CNGB3: variants seen among roughly 807,000 people sequenced by gnomAD.
CNGB3 encodes the protein cyclic nucleotide-gated channel beta-3.
In CNGB3, 86 loss-of-function variants were observed where a neutral mutation model predicts 92.8. The ratio of observed to expected loss-of-function variants is 0.93; its 90% confidence interval spans 0.78 to 1.11. The LOEUF is 1.11. Among genes scored for constraint, CNGB3 ranks in the 50% least tolerant of loss-of-function variants. The pLI, the probability that CNGB3 is intolerant of heterozygous loss-of-function variation, is 0.00. For synonymous variants in CNGB3, 333 were observed against 332.7 expected (o/e 1.00, Z -0.01); for missense variants, 1,026 against 956.8 (o/e 1.07, Z -0.95).
chr8:86,692,509 C>T (rs1270748933), intron 3 of CNGB3, among the ~76,000 whole-genome samples: 3 of 152,048 alleles, frequency 2.0e-5, no homozygotes, highest in East Asian at 3.9e-4. Flanking sequence ...ACTGGTGTTG[C>T]TTTAAAGTCT....
At chr8:86,697,644 TTTAA>T (rs1456289663) in intron 3 of CNGB3, among the ~76,000 whole-genome samples, 3 of 152,254 alleles carry the variant, frequency 2.0e-5, no homozygotes, top group African/African-American at 4.8e-5. Context: ...TCTTATTTTA[TTTAA>T]TTGTTTATTA....
chr8:86,589,947 T>C (rs1821989740), intron 15 of CNGB3, among the ~76,000 whole-genome samples: 1 of 149,624 alleles, frequency 6.7e-6, no homozygotes, highest in Non-Finnish European at 1.5e-5. Flanking sequence ...GGTGTTAAAG[T>C]CTCCCATTAT....
chr8:86,722,567 T>C (rs1321921758), intron 3 of CNGB3, among the ~76,000 whole-genome samples: 1 of 152,174 alleles, frequency 6.6e-6, no homozygotes, highest in Non-Finnish European at 1.5e-5. Flanking sequence ...CAAACATTAT[T>C]CTGGTTGTGT....
At chr8:86,587,323 C>G (rs1484696810) in intron 15 of CNGB3, among the ~76,000 whole-genome samples, 4 of 152,144 alleles carry the variant, frequency 2.6e-5, no homozygotes, top group Non-Finnish European at 4.4e-5. Flanking sequence ...TTTTGCCGTG[C>G]AGAAGCTCTT....
chr8:86,722,952 C>T (rs1029442953), intron 3 of CNGB3, among the ~76,000 whole-genome samples: 5 of 152,084 alleles, frequency 3.3e-5, no homozygotes, highest in Non-Finnish European at 4.4e-5. Flanking sequence ...CCTCCATAAT[C>T]GCATGAGTCA....
In CNGB3 at chr8:86,574,707, A is replaced by G. The variant is rs1003656510; in HGVS notation, c.*1097T>C. ...ATGGCATTTATTAGAATGGAATTCT[A>G]TATGTATTATTACTTCCGACACCAG... is the stretch of plus-strand genomic sequence containing the variant. On this transcript the variant is annotated 3_prime_UTR_variant, in exon 18 of 18. Transcript: ENST00000320005. The G allele has an allele frequency of 3.3e-5, 5 of 152,204 alleles. No homozygotes were observed. The highest frequency in any genetic ancestry group is 1.2e-4 in the African/African-American group (5 of 41,450). 9.4% of individuals were successfully genotyped at this position (152,204 alleles called of 1,614,324 possible).
intron 3 of CNGB3, among the ~76,000 whole-genome samples, chr8:86,705,313 T>C (rs1824632513): frequency 6.6e-6 from 1 of 152,162 alleles, no homozygotes; most frequent in Non-Finnish European, 1.5e-5. Flanking sequence ...GTCCAAATTG[T>C]ACTATGCACC....
intron 3 of CNGB3, among the ~76,000 whole-genome samples, chr8:86,712,663 T>G (rs999665384): frequency 5.9e-5 from 9 of 152,128 alleles, no homozygotes; most frequent in Non-Finnish European, 7.4e-5. Flanking sequence ...AATATCACAC[T>G]TTTTAAATTA....
chr8:86,629,113 A>G, intron 11 of CNGB3, 35 bp from the exon 12 acceptor site: 6 of 1,612,148 alleles, frequency 3.7e-6, no homozygotes, highest in Non-Finnish European at 5.1e-6. Context: ...CACGCCCAGC[A>G]GAGGAAATGA....
intron 10 of CNGB3, among the ~76,000 whole-genome samples, chr8:86,636,427 C>A (rs1473514175): frequency 6.6e-6 from 1 of 151,294 alleles, no homozygotes. Flanking sequence ...CAAAAAGTAG[C>A]CGGGTATGGT....
At chr8:86,583,769 A>C (rs530778443) in intron 15 of CNGB3, among the ~76,000 whole-genome samples, 1 of 152,074 alleles carries the variant, frequency 6.6e-6, no homozygotes, top group African/African-American at 2.4e-5. Flanking sequence ...AAAATACAAA[A>C]GTTAGCTGGG....
At chr8:86,735,015 G>A (rs947385861) in intron 2 of CNGB3, among the ~76,000 whole-genome samples, 6 of 142,386 alleles carry the variant, frequency 4.2e-5, no homozygotes, top group Non-Finnish European at 7.5e-5. Context: ...TTTGAATTCG[G>A]GCATGTCAAA....
intron 17 of CNGB3, among the ~76,000 whole-genome samples, chr8:86,576,646 T>C (rs1044708236): frequency 6.6e-6 from 1 of 152,208 alleles, no homozygotes; most frequent in African/African-American, 2.4e-5. Flanking sequence ...TGACCTGTCA[T>C]GTTTGTACCT....
chr8:86,593,926 G>T, intron 15 of CNGB3: 1 of 565,454 alleles, frequency 1.8e-6, no homozygotes, highest in Non-Finnish European at 3.3e-6. Flanking sequence ...GCCAGGGGCA[G>T]AAGGAGTGGA....
At chr8:86,587,169 CTTTTTGATGGGGTTGT>C (rs1821914919) in intron 15 of CNGB3, among the ~76,000 whole-genome samples, 1 of 147,368 alleles carries the variant, frequency 6.8e-6, no homozygotes, top group South Asian at 2.2e-4. Flanking sequence ...CCTTTGCCCA[CTTTTTGATGGGGTTGT>C]TTGTTTTTTT....
At chr8:86,650,857 G>A (rs561342745) in intron 7 of CNGB3, among the ~76,000 whole-genome samples, 14 of 151,786 alleles carry the variant, frequency 9.2e-5, no homozygotes, top group South Asian at 2.1e-4. Context: ...AAAGACACAC[G>A]CACATATAGG....
intron 13 of CNGB3, among the ~76,000 whole-genome samples, chr8:86,625,698 A>C (rs1822832024): frequency 6.6e-6 from 1 of 152,148 alleles, no homozygotes; most frequent in South Asian, 2.1e-4. Flanking sequence ...ACTAGCAAAG[A>C]CATAGAGCCA....
chr8:86,697,383 G>A (rs1439092503), intron 3 of CNGB3, among the ~76,000 whole-genome samples: 1 of 152,078 alleles, frequency 6.6e-6, no homozygotes, highest in Non-Finnish European at 1.5e-5. Flanking sequence ...ACAAAATATA[G>A]ATTCTGTAGT....
intron 3 of CNGB3, among the ~76,000 whole-genome samples, chr8:86,687,313 T>A (rs1039217270): frequency 2.0e-5 from 3 of 152,024 alleles, no homozygotes; most frequent in African/African-American, 7.2e-5. Context: ...CATCATTAGA[T>A]AAACATACAA....
Sources: allele counts gnomAD v4.1 joint callset (sites outside exome capture counted in the v4.1 genomes callset), GRCh38; gene constraint gnomAD v4.1.1; transcripts MANE v1.5; gene names NCBI Gene and HGNC (gene_info 2026-07-23, HGNC 2026-07-21).